FAM185A: variants seen among roughly 807,000 people sequenced by gnomAD.
FAM185A encodes protein FAM185A.
A neutral mutation model predicts 45.7 loss-of-function variants in FAM185A; 21 were observed. The ratio of observed to expected loss-of-function variants is 0.46; its 90% confidence interval spans 0.33 to 0.66. FAM185A has a LOEUF of 0.66. FAM185A is among the 30% of genes least tolerant of loss of function. The probability of loss-of-function intolerance (pLI) is 0.03; values close to 1 mark genes in which losing one functional copy is unlikely to be tolerated. For synonymous variants in FAM185A, 117 were observed against 194.0 expected (o/e 0.60, Z 3.30); for missense variants, 305 against 485.4 (o/e 0.63, Z 3.49).
At chr7:102,842,799 G>C in the FAM185A span, among the ~76,000 whole-genome samples, 1 of 152,204 alleles carries the variant, frequency 6.6e-6, no homozygotes, top group Non-Finnish European at 1.5e-5. Flanking sequence ...CAGTTCCATA[G>C]CACAGATAGT....
chr7:102,763,436 T>G (rs1480184389), intron 4 of FAM185A, among the ~76,000 whole-genome samples: 1 of 152,174 alleles, frequency 6.6e-6, no homozygotes, highest in Non-Finnish European at 1.5e-5. Context: ...CACAGCGAAT[T>G]TACTAGGGAG....
chr7:102,829,008 G>A, the FAM185A span, among the ~76,000 whole-genome samples: 1 of 152,132 alleles, frequency 6.6e-6, no homozygotes, highest in Non-Finnish European at 1.5e-5. Flanking sequence ...CTGAGGATAG[G>A]GGGTACTGAC....
chr7:102,829,824 A>G, the FAM185A span, among the ~76,000 whole-genome samples: 5 of 152,140 alleles, frequency 3.3e-5, no homozygotes, highest in Non-Finnish European at 1.5e-5. Flanking sequence ...CCAGACACCA[A>G]TGTGTTTTAC....
intron 4 of FAM185A, among the ~76,000 whole-genome samples, chr7:102,767,780 C>CT (rs1794502958): frequency 6.6e-6 from 1 of 151,354 alleles, no homozygotes; most frequent in South Asian, 2.1e-4. Flanking sequence ...ACATTTCTTG[C>CT]TTTTTTCCCT....
chr7:102,775,799 T>C (rs1279481066), intron 5 of FAM185A, among the ~76,000 whole-genome samples: 1 of 152,162 alleles, frequency 6.6e-6, no homozygotes, highest in Non-Finnish European at 1.5e-5. Context: ...TTGGCTTCTT[T>C]TAGGATGCGG....
chr7:102,814,542 A>G, the FAM185A span: 1 of 152,242 alleles, frequency 6.6e-6, no homozygotes, highest in African/African-American at 2.4e-5. Flanking sequence ...AATAATTGTA[A>G]CCAAACTTAA....
rs1265065667 is a variant in FAM185A at position 102,749,227 on chromosome 7, G to A, written c.20G>A (p.Gly7Asp). ...CGCGCCATGCTTGCCCCCTGCTCAG[G>A]TTGGGAGCTTGGCTGCTTCCGTCTC... is the stretch of plus-strand genomic sequence containing the variant. MLAPCS[G>D]WELGCFRLCL... is the part of the protein sequence containing the mutation. Residue 7 changes from glycine to aspartate, a missense_variant, in exon 1 of 8, where the codon GGT (glycine) becomes GAT (aspartate). By Grantham distance (94) the Gly-to-Asp change is moderately conservative. This residue lies in a region of FAM185A where 174 missense variants were observed against 247.1 expected (regional missense o/e 0.70). Transcript: ENST00000413034. 1 of 1,551,150 alleles carries A rather than the reference G, an allele frequency of 6.4e-7. No individual in the cohort carries two copies. The highest frequency in any genetic ancestry group is 8.7e-7 in the Non-Finnish European group (1 of 1,146,906).
chr7:102,806,888 G>C (rs1797147157), intron 7 of FAM185A, among the ~76,000 whole-genome samples: 2 of 152,098 alleles, frequency 1.3e-5, no homozygotes, highest in African/African-American at 4.8e-5. Context: ...GAGCTTCTGG[G>C]GAGACGGGGC....
chr7:102,777,224 T>C, intron 5 of FAM185A, 29 bp from the exon 6 acceptor site: 4 of 1,549,496 alleles, frequency 2.6e-6, no homozygotes, highest in Admixed American at 2.0e-5. Context: ...GTAAGAATTA[T>C]TTTACTTATG....
chr7:102,826,495 G>A, the FAM185A span, among the ~76,000 whole-genome samples: 7 of 151,414 alleles, frequency 4.6e-5, no homozygotes, highest in Non-Finnish European at 8.8e-5. Flanking sequence ...TAGCATTTTG[G>A]GAGGCTGAGG....
chr7:102,771,398 A>T lies in FAM185A; in HGVS notation c.794-1011A>T, dbSNP rs1330978735. Among the ~76,000 whole-genome samples the T allele has an allele frequency of 2.0e-5, 3 of 152,196 alleles. No homozygotes were observed. In the East Asian group the frequency reaches 5.8e-4, roughly 29 times the overall value. On this transcript the variant is annotated intron_variant, in intron 4 of 7. Transcript: ENST00000413034. ...TAATCTTATAAGCTTCAGTACACAA[A>T]CCAAGTTTTTATTCATACACAAATA...
At chr7:102,799,180 C>T (rs920492326) in intron 7 of FAM185A, among the ~76,000 whole-genome samples, 29 of 152,010 alleles carry the variant, frequency 1.9e-4, no homozygotes, top group Non-Finnish European at 3.8e-4. Context: ...TAAGCGGAAC[C>T]CCTTATTGAT....
At chr7:102,790,224 T>C (rs1796065932) in intron 7 of FAM185A, among the ~76,000 whole-genome samples, 1 of 152,198 alleles carries the variant, frequency 6.6e-6, no homozygotes, top group African/African-American at 2.4e-5. Flanking sequence ...TTTATGACAG[T>C]GGAGTGGGTT....
At chr7:102,808,226 GT>G in intron 7 of FAM185A, 63 bp from the exon 8 acceptor site, 14 of 1,051,978 alleles carry the variant, frequency 1.3e-5, no homozygotes, top group Non-Finnish European at 1.9e-5. Context: ...TCAGAGATGT[GT>G]TGCTAGGATC....
At chr7:102,782,064 GATGAA>G (rs1421971510) in intron 6 of FAM185A, among the ~76,000 whole-genome samples, 1 of 152,206 alleles carries the variant, frequency 6.6e-6, no homozygotes, top group Non-Finnish European at 1.5e-5. Flanking sequence ...AGTGATGGAA[GATGAA>G]ATGAATGAAA....
rs1797049645 is a variant in FAM185A at position 102,805,384 on chromosome 7, C to G, written c.1067-2906C>G. ...AATGAATTAACAGCATTCACAGTGA[C>G]CTGAATGAGACTGGAGATGATTATT... On this transcript the variant is annotated intron_variant, in intron 7 of 7. Transcript: ENST00000413034. Among the ~76,000 whole-genome samples the G allele has an allele frequency of 2.0e-5, 3 of 152,076 alleles. No homozygotes were observed. In the South Asian group the frequency reaches 6.2e-4, roughly 32 times the overall value.
chr7:102,782,038 TG>T (rs1358529598), intron 6 of FAM185A, among the ~76,000 whole-genome samples: 1 of 152,098 alleles, frequency 6.6e-6, no homozygotes, highest in East Asian at 1.9e-4. Flanking sequence ...TTCGATCAAC[TG>T]GAAGAAAGGG....
chr7:102,778,900 C>T (rs2129438615), intron 6 of FAM185A, among the ~76,000 whole-genome samples: 1 of 152,312 alleles, frequency 6.6e-6, no homozygotes, highest in East Asian at 1.9e-4. Context: ...CACTGTCTTG[C>T]TGTAGGGTTC....
intron 4 of FAM185A, among the ~76,000 whole-genome samples, chr7:102,765,522 T>G (rs1408387216): frequency 2.0e-5 from 3 of 151,722 alleles, no homozygotes; most frequent in Non-Finnish European, 4.4e-5. Context: ...TCTAACATAC[T>G]AGTGCCGAGT....
Sources: gnomAD v4.1 joint callset for allele counts (sites outside exome capture counted in the v4.1 genomes callset) on GRCh38, gnomAD v4.1.1 for gene constraint, gnomAD v4.1.1 regional missense constraint, MANE v1.5 for transcripts, NCBI Gene and HGNC (gene_info 2026-07-23, HGNC 2026-07-21) for gene names.